Variants in QRICH1 observed in about 807,000 individuals in gnomAD.
QRICH1 encodes the protein transcriptional regulator QRICH1.
QRICH1 carries 16 observed loss-of-function variants against 87.1 expected under a neutral mutation model. That is an observed-to-expected ratio of 0.18 (90% CI 0.12 to 0.28). The LOEUF is 0.28. QRICH1 is among the 10% of genes least tolerant of loss of function. QRICH1 has a pLI of 1.00. For synonymous variants in QRICH1, 367 were observed against 368.4 expected, an observed-to-expected ratio of 1.00 and a Z score of 0.05; for missense variants, 647 against 951.7, an observed-to-expected ratio of 0.68 and a Z score of 4.21.
intron 6 of QRICH1, among the ~76,000 whole-genome samples, chr3:49,041,168 C>T (rs1238355177): frequency 6.6e-6 from 1 of 152,128 alleles, no homozygotes; most frequent in African/African-American, 2.4e-5. Context: ...ATGGGTTTCC[C>T]CATATTGGCC....
intron 1 of QRICH1, among the ~76,000 whole-genome samples, chr3:49,077,331 C>A (rs779451456): frequency 7.9e-5 from 12 of 152,158 alleles, no homozygotes. Context: ...CTAGGTCAAT[C>A]CCATCTTCTC....
At position 49,030,295 on chromosome 3, in the gene QRICH1, G is replaced by T. The variant is rs2093226891; in HGVS notation, c.*157C>A. On this transcript the variant is annotated 3_prime_UTR_variant, in exon 10 of 10. Transcript: ENST00000395443. ...GCAGGTTTATGAAGATGCAAAGGGG[G>T]CAAAGTTTTCTTTTATATTTTAAAC... is the stretch of plus-strand genomic sequence containing the variant. 1 of 712,588 alleles carries T rather than the reference G, an allele frequency of 1.4e-6. No homozygotes were observed. Among genetic ancestry groups the T allele is most frequent in the Non-Finnish European group, 2.2e-6 (1 of 449,164 alleles). The allele number at this position is 712,588 out of a possible 1,614,324, so 44.1% of individuals were successfully genotyped here. A position where few individuals can be genotyped will look rare whatever the true frequency, so the allele number is the denominator to read the frequency against.
chr3:49,055,712 C>T (rs2093397973), intron 3 of QRICH1, among the ~76,000 whole-genome samples: 4 of 152,098 alleles, frequency 2.6e-5, no homozygotes, highest in Admixed American at 2.6e-4. Context: ...TGCTATGTTG[C>T]CCCAGGTTGG....
At chr3:49,037,796 T>C (rs905495510) in intron 6 of QRICH1, among the ~76,000 whole-genome samples, 3 of 150,444 alleles carry the variant, frequency 2.0e-5, no homozygotes, top group Non-Finnish European at 2.9e-5. Flanking sequence ...CAGCCTGACC[T>C]GGTGAAATCC....
intron 3 of QRICH1, among the ~76,000 whole-genome samples, chr3:49,051,694 G>C (rs568911332): frequency 6.8e-6 from 1 of 147,602 alleles, no homozygotes; most frequent in Non-Finnish European, 1.5e-5. Context: ...TAGCTTCCCT[G>C]CCCAGATCTA....
At chr3:49,090,128 C>T (rs1203017456) in intron 1 of QRICH1, among the ~76,000 whole-genome samples, 1 of 152,120 alleles carries the variant, frequency 6.6e-6, no homozygotes, top group Non-Finnish European at 1.5e-5. Context: ...GCCTGACCAA[C>T]ATAGTGAAAC....
rs1366080434 is a variant in QRICH1 at position 49,057,417 on chromosome 3, T to A, written c.783A>T (p.Ser261=). Residue 261 remains serine (S), a synonymous_variant, in exon 3 of 10, where the codon TCA becomes TCT. Transcript: ENST00000395443. The surrounding 1 kb of genome is among the most constrained non-coding windows in gnomAD (Gnocchi z 5.4). Reference sequence around the variant, plus strand: ...CCAGCACGGTGGCCACCGGCTGCCCTGAGATGGCGTAGGACACAGTGATGG... The same window carrying A: ...CCAGCACGGTGGCCACCGGCTGCCCAGAGATGGCGTAGGACACAGTGATGG... ...DMPITVSYAI[S]GQPVATVLAI... is the part of the protein sequence containing the mutation. The A allele has an allele frequency of 6.2e-7, 1 of 1,609,766 alleles. No homozygotes were observed. Among genetic ancestry groups the A allele is most frequent in the South Asian group, 1.1e-5 (1 of 91,016 alleles).
intron 2 of QRICH1, among the ~76,000 whole-genome samples, chr3:49,075,076 C>A (rs931780562): frequency 6.6e-6 from 1 of 151,448 alleles, no homozygotes; most frequent in African/African-American, 2.4e-5. Flanking sequence ...AATCTCAGCT[C>A]TTTGGGAGGC....
In QRICH1 at chr3:49,057,939, T is replaced by A. The variant is rs201584396; in HGVS notation, c.310-49A>T. The stretch of plus-strand genomic sequence containing the variant: ...TGAGTGAACCAGGCAGCACTGAAAA[T>A]CCAGTACCCAAGGAAAGAAAGAAAA... On this transcript the variant is annotated intron_variant, in intron 2 of 9. Coordinates refer to ENST00000395443, the MANE Select transcript of QRICH1 (RefSeq NM_198880.3). The surrounding 1 kb of genome is among the most constrained non-coding windows in gnomAD (Gnocchi z 5.4). 5.6e-6 allele frequency: 9 copies of A among 1,612,988 alleles called. No individual in the cohort carries two copies. Among genetic ancestry groups the A allele is most frequent in the Middle Eastern group, 1.6e-4 (1 of 6,062 alleles).
At chr3:49,041,787 C>A (rs564592981) in intron 6 of QRICH1, among the ~76,000 whole-genome samples, 1 of 151,974 alleles carries the variant, frequency 6.6e-6, no homozygotes, top group Admixed American at 6.6e-5. Flanking sequence ...CATGCCACCA[C>A]GTCCAGCTAA....
rs531110654 is a variant in QRICH1, at chr3:49,052,220, G to T, written c.1338+4642C>A. ...GATGAACTGGTTGTGGGGAGTAAGG[G>T]AAAGCAGACACAAAGATGACTCCTG... is the stretch of plus-strand genomic sequence containing the variant. On this transcript the variant is annotated intron_variant, in intron 3 of 9. Coordinates refer to ENST00000395443, the MANE Select transcript of QRICH1 (RefSeq NM_198880.3). Among the ~76,000 whole-genome samples, 3 of 152,116 alleles carry T rather than the reference G, an allele frequency of 2.0e-5. No individual in the cohort carries two copies. The South Asian group carries it at 6.2e-4, about 31-fold the overall frequency.
At chr3:49,094,363 T>C, upstream of QRICH1, 1 of 259,076 alleles carries the variant, frequency 3.9e-6, no homozygotes, top group Non-Finnish European at 7.3e-6. Context: ...GAGCCTCCTT[T>C]GGTCGAGCAC....
At chr3:49,062,724 A>C (rs1044921471) in intron 2 of QRICH1, among the ~76,000 whole-genome samples, 7 of 151,112 alleles carry the variant, frequency 4.6e-5, no homozygotes, top group Admixed American at 2.6e-4. Flanking sequence ...TTTTTAAAAA[A>C]AGGCCGGGCG....
intron 2 of QRICH1, among the ~76,000 whole-genome samples, chr3:49,065,457 A>C (rs1045899087): frequency 6.6e-6 from 1 of 151,820 alleles, no homozygotes; most frequent in Admixed American, 6.6e-5. Context: ...ATTTTTGCAA[A>C]CCTATTTAAT....
chr3:49,092,181 G>C (rs1477071656), intron 1 of QRICH1: 1 of 152,072 alleles, frequency 6.6e-6, no homozygotes, highest in African/African-American at 2.4e-5. Flanking sequence ...GCTTAAATCT[G>C]CGGGTTCCAC....
At chr3:49,035,797 A>C (rs1404242137) in intron 6 of QRICH1, among the ~76,000 whole-genome samples, 2 of 152,190 alleles carry the variant, frequency 1.3e-5, no homozygotes, top group East Asian at 3.9e-4. Flanking sequence ...GAAAAACTAA[A>C]ATAGCCTGGG....
At chr3:49,048,190 T>A (rs1021305509) in intron 3 of QRICH1, among the ~76,000 whole-genome samples, 18 of 151,316 alleles carry the variant, frequency 1.2e-4, no homozygotes, top group African/African-American at 4.4e-4. Context: ...TGGAGTGCAA[T>A]GGCAGGATCT....
chr3:49,049,995 T>A (rs1360314025), intron 3 of QRICH1, among the ~76,000 whole-genome samples: 9 of 147,054 alleles, frequency 6.1e-5, no homozygotes, highest in Admixed American at 6.1e-4. Context: ...AGGTCAGGAG[T>A]TGGAGACCAG....
intron 1 of QRICH1, among the ~76,000 whole-genome samples, chr3:49,083,974 G>C (rs946717421): frequency 5.9e-5 from 9 of 151,976 alleles, no homozygotes; most frequent in Non-Finnish European, 1.2e-4. Context: ...GCTAATTTTT[G>C]TATTTTTAGT....
Sources: allele counts gnomAD v4.1 joint callset (sites outside exome capture counted in the v4.1 genomes callset), GRCh38; gene constraint gnomAD v4.1.1; non-coding constraint Gnocchi (gnomAD v3.1); transcripts MANE v1.5; gene names NCBI Gene and HGNC (gene_info 2026-07-23, HGNC 2026-07-21).